The following SNX9 variants were observed in gnomAD, a reference collection of about 807,000 sequenced individuals.
The protein encoded by SNX9 is sorting nexin-9.
A neutral mutation model predicts 89.4 loss-of-function variants in SNX9; 44 were observed. That is an observed-to-expected ratio of 0.49 (90% confidence interval 0.39 to 0.63). The LOEUF is 0.63. SNX9 is among the 30% of genes least tolerant of loss of function. The pLI is 0.00. For missense variants in SNX9, 578 were observed against 736.1 expected (o/e 0.79, Z 2.49); for synonymous variants, 236 against 247.8 (o/e 0.95, Z 0.45).
intron 1 of SNX9, among the ~76,000 whole-genome samples, chr6:157,852,497 A>G (rs1781933482): frequency 1.3e-5 from 2 of 152,140 alleles, no homozygotes; most frequent in Admixed American, 1.3e-4. Context: ...AGGGCATTTG[A>G]ACTTCAAATA....
At chr6:157,909,878 G>C in intron 8 of SNX9, 30 bp from the exon 9 acceptor site, 1 of 1,612,158 alleles carries the variant, frequency 6.2e-7, no homozygotes, top group Non-Finnish European at 8.5e-7. Context: ...GTTGGCATTG[G>C]TAACCTTTTC....
At chr6:157,841,316 C>G (rs1156907579) in intron 1 of SNX9, among the ~76,000 whole-genome samples, 1 of 152,124 alleles carries the variant, frequency 6.6e-6, no homozygotes, top group East Asian at 1.9e-4. Context: ...AAGGGCATCC[C>G]CCAATGATTA....
At chr6:157,928,797 C>A in intron 12 of SNX9, 95 bp downstream of exon 12, 2 of 945,868 alleles carry the variant, frequency 2.1e-6, no homozygotes, top group Non-Finnish European at 3.0e-6. Context: ...CTGCCTCGAA[C>A]AGAAGTGTAT....
chr6:157,837,330 G>A (rs912408319), intron 1 of SNX9, among the ~76,000 whole-genome samples: 14 of 152,256 alleles, frequency 9.2e-5, no homozygotes, highest in Admixed American at 7.2e-4. Context: ...GAAAACATGC[G>A]ATACAGTTTT....
chr6:157,868,315 A>G (rs1782309867), intron 2 of SNX9, among the ~76,000 whole-genome samples: 1 of 152,206 alleles, frequency 6.6e-6, no homozygotes, highest in Non-Finnish European at 1.5e-5. Context: ...ACACACATGC[A>G]TCTTCAGGTA....
intron 1 of SNX9, among the ~76,000 whole-genome samples, chr6:157,865,568 A>G (rs2364945): frequency 0.13 from 19,150 of 152,086 alleles, 1,960 homozygotes; most frequent in African/African-American, 0.28. Context: ...CTTTCCCACC[A>G]TTTGTTTCTT....
chr6:157,840,441 T>TCCTTCCTTC (rs1781680740), intron 1 of SNX9, among the ~76,000 whole-genome samples: 1 of 149,830 alleles, frequency 6.7e-6, no homozygotes, highest in African/African-American at 2.5e-5. Flanking sequence ...TTCTTTCCTT[T>TCCTTCCTTC]CTTTCCTTTC....
chr6:157,839,202 TG>T (rs1313440931), intron 1 of SNX9, among the ~76,000 whole-genome samples: 4 of 152,216 alleles, frequency 2.6e-5, no homozygotes, highest in African/African-American at 9.6e-5. Context: ...GTTATATGTG[TG>T]TGGGGATGTA....
intron 4 of SNX9, among the ~76,000 whole-genome samples, chr6:157,877,447 C>T (rs899724136): frequency 1.3e-5 from 2 of 152,132 alleles, no homozygotes; most frequent in Non-Finnish European, 2.9e-5. Context: ...TATCTCTGCC[C>T]TCTGTTATCT....
At chr6:157,837,144 C>G (rs1169238561) in intron 1 of SNX9, among the ~76,000 whole-genome samples, 1 of 152,186 alleles carries the variant, frequency 6.6e-6, no homozygotes, top group Admixed American at 6.5e-5. Flanking sequence ...AATCACAGAT[C>G]CGTAAAATAT....
At position 157,870,710 on chromosome 6, in the gene SNX9, TCATA is replaced by T. The variant is rs762838365; in HGVS notation, c.100-2384_100-2381del. 1.2e-3 allele frequency among the ~76,000 whole-genome samples: 170 copies of T among 147,632 alleles called. 1 individual carries two copies. The highest frequency in any genetic ancestry group is 2.3e-3 in the Non-Finnish European group (155 of 67,354). Reference sequence around the variant, plus strand: ...ACCCTGCAGATAGTCTCACCTGCTCTCATACATACATGCACTCACCTGTGCAAGC... The same window carrying T: ...ACCCTGCAGATAGTCTCACCTGCTCTCATACATGCACTCACCTGTGCAAGC... On this transcript the variant is annotated intron_variant, in intron 2 of 17. Coordinates refer to ENST00000392185, the MANE Select transcript of SNX9 (RefSeq NM_016224.5).
intron 10 of SNX9, among the ~76,000 whole-genome samples, chr6:157,921,902 A>G (rs1438919703): frequency 6.6e-6 from 1 of 152,218 alleles, no homozygotes; most frequent in African/African-American, 2.4e-5. Context: ...GGGCAGGGGC[A>G]GGGTGAGGGA....
Position 157,898,990 on chromosome 6 carries a change from G to A in SNX9, c.472+1992G>A, listed in dbSNP as rs1011769476. Among the ~76,000 whole-genome samples the A allele has an allele frequency of 5.3e-5, 8 of 151,960 alleles. No homozygotes were observed. In the South Asian group the frequency reaches 8.3e-4, roughly 16 times the overall value. On this transcript the variant is annotated intron_variant, in intron 5 of 17. Coordinates refer to ENST00000392185, the MANE Select transcript of SNX9 (RefSeq NM_016224.5). ...TTCTCCCATTTGGCATTTGTCTCTC[G>A]GCTTCTCCATAATGGCACTCTTAGG...
intron 6 of SNX9, 68 bp downstream of exon 6, chr6:157,902,113 C>A: frequency 7.2e-7 from 1 of 1,389,080 alleles, no homozygotes; most frequent in South Asian, 1.8e-5. Context: ...AAGTATATAC[C>A]CTACCAAGAG....
At chr6:157,865,102 G>A (rs989971991) in intron 1 of SNX9, among the ~76,000 whole-genome samples, 1 of 152,170 alleles carries the variant, frequency 6.6e-6, no homozygotes, top group African/African-American at 2.4e-5. Flanking sequence ...ACTTTGGGAA[G>A]CCAAGGCGGG....
chr6:157,915,640 A>AAAAATATATATATATATATATAT (rs1472422303), intron 9 of SNX9, among the ~76,000 whole-genome samples: 3 of 95,114 alleles, frequency 3.2e-5, no homozygotes, highest in Non-Finnish European at 6.4e-5. Context: ...AAAAAAAAAA[A>AAAAATATATATATATATATATAT]ATATATATAT....
At chr6:157,883,057 C>T (rs1221286363) in intron 4 of SNX9, among the ~76,000 whole-genome samples, 1 of 151,992 alleles carries the variant, frequency 6.6e-6, no homozygotes, top group Non-Finnish European at 1.5e-5. Context: ...AAGAAGTTGC[C>T]ACAGCCACCC....
In SNX9 at chr6:157,919,953, C is replaced by CTGTTTGTT. The variant is rs150798579; in HGVS notation, c.950-1556_950-1549dup. ...TGTCTCCCTGGAAGTTCAGTTATTG[C>CTGTTTGTT]TGTTTGTTTGTTTGTTTGTTTGTTT... is the stretch of plus-strand genomic sequence containing the variant. On this transcript the variant is annotated intron_variant, in intron 9 of 17. Coordinates refer to ENST00000392185, the MANE Select transcript of SNX9 (RefSeq NM_016224.5). Among the ~76,000 whole-genome samples, 263 of 151,600 alleles carry CTGTTTGTT rather than the reference C, an allele frequency of 1.7e-3. 1 individual carries two copies. Among genetic ancestry groups the CTGTTTGTT allele is most frequent in the African/African-American group, 4.9e-3 (201 of 41,224 alleles).
In SNX9 at chr6:157,945,076, G is replaced by A. The variant is rs1784114335; in HGVS notation, c.*2238G>A. 1 of 152,068 alleles carries A rather than the reference G, an allele frequency of 6.6e-6. No individual in the cohort carries two copies. The highest frequency in any genetic ancestry group is 2.1e-4 in the South Asian group (1 of 4,814). The allele number at this position is 152,068 out of a possible 1,614,324, so 9.4% of individuals were successfully genotyped here. On this transcript the variant is annotated 3_prime_UTR_variant, in exon 18 of 18. Transcript: ENST00000392185. ...ATCACATAACTTTTACAAATATAGT[G>A]GAAAAAAAGTCAGTATTTGGAGAGG...
Sources: allele counts gnomAD v4.1 joint callset (sites outside exome capture counted in the v4.1 genomes callset), GRCh38; gene constraint gnomAD v4.1.1; transcripts MANE v1.5; gene names NCBI Gene and HGNC (gene_info 2026-07-23, HGNC 2026-07-21).